CDH13: variants seen among roughly 807,000 people sequenced by gnomAD.
CDH13 encodes cadherin-13.
A neutral mutation model predicts 63.8 loss-of-function variants in CDH13; 24 were observed. The ratio of observed to expected loss-of-function variants is 0.38; its 90% CI spans 0.27 to 0.53. The LOEUF (loss-of-function observed/expected upper bound fraction) is 0.53, where lower values mean the gene tolerates loss of function less well. Among genes scored for constraint, CDH13 ranks in the 20% least tolerant of loss-of-function variants. The pLI is 0.85. For missense variants in CDH13, 1,049 were observed against 903.1 expected, an observed-to-expected ratio of 1.16 and a Z score of -2.07; for synonymous variants, 503 against 355.3, an observed-to-expected ratio of 1.42 and a Z score of -4.67.
chr16:83,636,751 C>T (rs1261554601), intron 8 of CDH13, among the ~76,000 whole-genome samples: 1 of 152,130 alleles, frequency 6.6e-6, no homozygotes. Context: ...AGTAGAGTGA[C>T]CTATTTTCCT....
chr16:83,479,117 C>G (rs1249634839), intron 6 of CDH13, among the ~76,000 whole-genome samples: 1 of 152,186 alleles, frequency 6.6e-6, no homozygotes, highest in African/African-American at 2.4e-5. Context: ...TCCACAAGAC[C>G]AGAGGAAGCG....
chr16:82,936,316 C>T (rs1326026317), intron 2 of CDH13, among the ~76,000 whole-genome samples: 2 of 152,162 alleles, frequency 1.3e-5, no homozygotes, highest in Non-Finnish European at 2.9e-5. Context: ...TACCATCTGC[C>T]TGTGTAATTT....
At chr16:83,614,082 A>G (rs1185663354) in intron 8 of CDH13, among the ~76,000 whole-genome samples, 1 of 152,124 alleles carries the variant, frequency 6.6e-6, no homozygotes, top group African/African-American at 2.4e-5. Context: ...GTCGCCTGGC[A>G]TACCTAGGAA....
At chr16:83,788,406 A>AT (rs991575725) in intron 13 of CDH13, among the ~76,000 whole-genome samples, 9 of 152,052 alleles carry the variant, frequency 5.9e-5, no homozygotes, top group Non-Finnish European at 1.0e-4. Context: ...CAATATTTTT[A>AT]TAATAATACA....
At chr16:83,656,282 A>T (rs760474879) in intron 8 of CDH13, among the ~76,000 whole-genome samples, 1 of 152,202 alleles carries the variant, frequency 6.6e-6, no homozygotes, top group African/African-American at 2.4e-5. Context: ...ACATGAATAA[A>T]TGGTGGTGCT....
intron 2 of CDH13, among the ~76,000 whole-genome samples, chr16:82,926,812 G>A (rs1033616135): frequency 3.9e-5 from 6 of 152,180 alleles, no homozygotes; most frequent in Admixed American, 1.3e-4. Context: ...GGTATCATTG[G>A]TCCATTAGTG....
intron 1 of CDH13, among the ~76,000 whole-genome samples, chr16:82,728,527 T>TA (rs1038172556): frequency 3.2e-4 from 49 of 152,294 alleles, no homozygotes; most frequent in African/African-American, 9.4e-4. Context: ...GTATTATGTC[T>TA]AAAACGTGTG....
At chr16:82,702,486 A>G (rs2031119441) in intron 1 of CDH13, among the ~76,000 whole-genome samples, 1 of 151,998 alleles carries the variant, frequency 6.6e-6, no homozygotes, top group South Asian at 2.1e-4. Context: ...CACCATAAAT[A>G]CCTGTTGATT....
chr16:82,900,858 C>T (rs993493744), intron 2 of CDH13, among the ~76,000 whole-genome samples: 1 of 152,184 alleles, frequency 6.6e-6, no homozygotes, highest in African/African-American at 2.4e-5. Context: ...CTTCCCCAGG[C>T]AGGAGACTCA....
At chr16:83,139,299 G>T (rs1467932043) in intron 4 of CDH13, among the ~76,000 whole-genome samples, 1 of 152,116 alleles carries the variant, frequency 6.6e-6, no homozygotes, top group Non-Finnish European at 1.5e-5. Context: ...CATGCCTAGG[G>T]ATTTTACTTT....
At chr16:82,905,971 A>C (rs747663168) in intron 2 of CDH13, among the ~76,000 whole-genome samples, 5 of 152,056 alleles carry the variant, frequency 3.3e-5, no homozygotes, top group Non-Finnish European at 7.4e-5. Context: ...AATAGGATAT[A>C]CTCTGACTTT....
chr16:83,769,532 T>G (rs893394289), intron 11 of CDH13, among the ~76,000 whole-genome samples: 8 of 152,180 alleles, frequency 5.3e-5, no homozygotes, highest in Non-Finnish European at 8.8e-5. Flanking sequence ...AAAGCAGACA[T>G]GTTTATAAGG....
At chr16:83,045,686 A>G (rs1917717897) in intron 3 of CDH13, among the ~76,000 whole-genome samples, 1 of 151,544 alleles carries the variant, frequency 6.6e-6, no homozygotes, top group Non-Finnish European at 1.5e-5. Flanking sequence ...TCAAGGGAAA[A>G]AAACATCTCC....
intron 2 of CDH13, among the ~76,000 whole-genome samples, chr16:82,881,365 A>G (rs1013055044): frequency 3.3e-5 from 5 of 152,088 alleles, no homozygotes; most frequent in Admixed American, 2.0e-4. Context: ...GAGGGGAAGA[A>G]AGCTGGAGTC....
At chr16:83,499,394 C>T (rs911495747) in intron 7 of CDH13, among the ~76,000 whole-genome samples, 6 of 152,184 alleles carry the variant, frequency 3.9e-5, no homozygotes, top group Admixed American at 1.3e-4. Flanking sequence ...TTCCACAGTG[C>T]AGTGTCTGAG....
chr16:83,558,286 T>G (rs945330599), intron 7 of CDH13, among the ~76,000 whole-genome samples: 4 of 152,182 alleles, frequency 2.6e-5, no homozygotes, highest in African/African-American at 9.7e-5. Context: ...GCGGTACCAG[T>G]TAGCAGAGAG....
chr16:83,726,732 C>G (rs1440595075), intron 10 of CDH13, among the ~76,000 whole-genome samples: 3 of 151,912 alleles, frequency 2.0e-5, no homozygotes, highest in Non-Finnish European at 2.9e-5. Flanking sequence ...CAGCTACTCG[C>G]GAGGCTGAGG....
chr16:82,938,197 A>C (rs1266237596), intron 2 of CDH13, among the ~76,000 whole-genome samples: 1 of 152,228 alleles, frequency 6.6e-6, no homozygotes, highest in Non-Finnish European at 1.5e-5. Flanking sequence ...AGCTTTTTCA[A>C]CAGCTATTTT....
At chr16:82,629,683 G>C (rs12051272) in intron 1 of CDH13, among the ~76,000 whole-genome samples, 1 of 152,146 alleles carries the variant, frequency 6.6e-6, no homozygotes, top group Admixed American at 6.5e-5. Context: ...AAGCTTATTG[G>C]CTTGGTTGTT....
Sources: gnomAD v4.1 joint callset for allele counts (sites outside exome capture counted in the v4.1 genomes callset) on GRCh38, gnomAD v4.1.1 for gene constraint, MANE v1.5 for transcripts, NCBI Gene and HGNC (gene_info 2026-07-23, HGNC 2026-07-21) for gene names.